The following PSMD1 variants were observed in gnomAD, a reference collection of about 807,000 sequenced individuals.
The protein encoded by PSMD1 is proteasome 26S subunit, non-ATPase 1, also known as 26S proteasome non-ATPase regulatory subunit 1.
Under a neutral mutation model 119.0 loss-of-function variants are expected in PSMD1, and 18 were observed. The observed-to-expected ratio is 0.15, with a 90% CI of 0.10 to 0.22. PSMD1 has a LOEUF of 0.22. Ranked by LOEUF, PSMD1 falls within the 10% of genes least tolerant of loss-of-function variation. The probability of loss-of-function intolerance (pLI) is 1.00; values close to 1 mark genes in which losing one functional copy is unlikely to be tolerated. For missense variants in PSMD1, 702 were observed against 1,158.5 expected, an observed-to-expected ratio of 0.61 and a Z score of 5.72; for synonymous variants, 374 against 396.6, an observed-to-expected ratio of 0.94 and a Z score of 0.68.
At chr2:231,154,519 G>A (rs944172781) in intron 19 of PSMD1, among the ~76,000 whole-genome samples, 4 of 152,200 alleles carry the variant, frequency 2.6e-5, no homozygotes, top group African/African-American at 9.6e-5. Flanking sequence ...CCAAGCCGGA[G>A]TGCAGTGGCG....
At position 231,165,204 on chromosome 2, in the gene PSMD1, C is replaced by G; in HGVS notation, c.2486C>G (p.Ser829Cys). Residue 829 changes from serine (S) to cysteine (C), a missense_variant, in exon 22 of 25, where the codon TCT becomes TGT. This residue lies in a region of PSMD1 where 152 missense variants were observed against 239.3 expected (regional missense o/e 0.64). Coordinates refer to ENST00000308696, the MANE Select transcript of PSMD1 (RefSeq NM_002807.4). ...TTACCCTGCTCATTTCCCCAGGTTT[C>G]TACTGCTGTATTATCTATAACTGCC... ...VPKEKEKEKV[S>C]TAVLSITAKA... The G allele has an allele frequency of 6.2e-7, 1 of 1,602,252 alleles. No individual in the cohort carries two copies. The highest frequency in any genetic ancestry group is 8.5e-7 in the Non-Finnish European group (1 of 1,173,398).
At chr2:231,069,976 A>T in intron 5 of PSMD1, 49 bp from the exon 6 acceptor site, 1 of 1,274,158 alleles carries the variant, frequency 7.8e-7, no homozygotes, top group Non-Finnish European at 1.0e-6. Context: ...AAATAAATAT[A>T]ATGCTGCAAT....
chr2:231,149,227 C>T (rs1283417881), intron 18 of PSMD1, among the ~76,000 whole-genome samples: 2 of 152,150 alleles, frequency 1.3e-5, no homozygotes, highest in Admixed American at 6.5e-5. Context: ...AAACATAAAC[C>T]CAGGAACATG....
At chr2:231,148,819 A>T (rs2125256103) in intron 18 of PSMD1, among the ~76,000 whole-genome samples, 1 of 152,326 alleles carries the variant, frequency 6.6e-6, no homozygotes, top group Middle Eastern at 3.4e-3. Context: ...GATAATTGCC[A>T]ACAAGACAAA....
At position 231,083,592 on chromosome 2, in the gene PSMD1, T is replaced by C. The variant is rs748284215; in HGVS notation, c.1551T>C (p.Gly517=). 6.8e-5 allele frequency: 109 copies of C among 1,613,998 alleles called. No individual in the cohort carries two copies. The highest frequency in any genetic ancestry group is 8.0e-5 in the Non-Finnish European group (94 of 1,180,018). ...GGGAAGCAGCTGGCCTGGCCCTAGG[T>C]TTGGTTATGTTGGGCTCTAAAAATG... ...VTGEAAGLAL[G]LVMLGSKNAQ... The change falls in exon 14 of 25, where the codon GGT becomes GGC. Residue 517 remains glycine (G), a synonymous_variant. Transcript: ENST00000308696.
intron 16 of PSMD1, among the ~76,000 whole-genome samples, chr2:231,117,903 A>G (rs1235125065): frequency 6.6e-6 from 1 of 152,156 alleles, no homozygotes; most frequent in Non-Finnish European, 1.5e-5. Flanking sequence ...GAACAGTTAC[A>G]TGGGGTTATT....
In PSMD1 at chr2:231,056,885, C is replaced by T. The variant is rs1693603397; in HGVS notation, c.-141C>T. 1.7e-6 allele frequency: 2 copies of T among 1,190,828 alleles called. No individual in the cohort carries two copies. The highest frequency in any genetic ancestry group is 1.2e-6 in the Non-Finnish European group (1 of 844,742). 73.8% of individuals were successfully genotyped at this position (1,190,828 alleles called of 1,614,324 possible). A position where few individuals can be genotyped will look rare whatever the true frequency, so the allele number is the denominator to read the frequency against. ...GGGCGGGGTCCTGGCGAGAAGCGAG[C>T]CGGCGGCCTGAGGAGGCGACTGACT... On this transcript the variant is annotated 5_prime_UTR_variant, in exon 1 of 25. Transcript: ENST00000308696.
At chr2:231,134,430 A>T (rs765159972) in intron 16 of PSMD1, among the ~76,000 whole-genome samples, 6 of 152,162 alleles carry the variant, frequency 3.9e-5, no homozygotes, top group Non-Finnish European at 7.4e-5. Context: ...AGTTTTTCCA[A>T]ATGTTTGTTA....
chr2:231,102,494 A>G (rs958166706), intron 16 of PSMD1, among the ~76,000 whole-genome samples: 8 of 152,206 alleles, frequency 5.3e-5, no homozygotes, highest in African/African-American at 1.9e-4. Flanking sequence ...CAATTAACAT[A>G]TAATTTTTAT....
At chr2:231,090,538 G>C (rs1370989354) in intron 16 of PSMD1, among the ~76,000 whole-genome samples, 3 of 152,120 alleles carry the variant, frequency 2.0e-5, no homozygotes, top group African/African-American at 7.2e-5. Flanking sequence ...CATCCTGGGC[G>C]ACAAAGCAAG....
rs370734963 is a variant in PSMD1 at position 231,145,181 on chromosome 2, G to A, written c.1999-1059G>A. On this transcript the variant is annotated intron_variant, in intron 17 of 24. Transcript: ENST00000308696. ...GTGCATCATTTAAGAACAGGGATGCGTTCTGAGAAATGGCAGTTCCGTGAA... is the reference window on the plus strand; with the variant it reads ...GTGCATCATTTAAGAACAGGGATGCATTCTGAGAAATGGCAGTTCCGTGAA... Among the ~76,000 whole-genome samples the A allele has an allele frequency of 1.4e-4, 21 of 152,294 alleles. No individual in the cohort carries two copies. In the East Asian group the frequency reaches 2.9e-3, roughly 21 times the overall value.
intron 16 of PSMD1, among the ~76,000 whole-genome samples, chr2:231,103,462 C>T (rs1012780949): frequency 1.3e-5 from 2 of 152,158 alleles, no homozygotes; most frequent in African/African-American, 2.4e-5. Context: ...CAGTGTTCTT[C>T]GAGGCCTCTT....
At chr2:231,110,669 G>T (rs746109456) in intron 16 of PSMD1, among the ~76,000 whole-genome samples, 7 of 152,134 alleles carry the variant, frequency 4.6e-5, no homozygotes, top group Non-Finnish European at 8.8e-5. Context: ...TTTTCCTCAT[G>T]TACACCACCA....
chr2:231,093,769 TTTTG>T lies in PSMD1; in HGVS notation c.1883+6592_1883+6595del, dbSNP rs1475640927. On this transcript the variant is annotated intron_variant, in intron 16 of 24. Transcript: ENST00000308696. ...CAGGTTCTTACCCATATTCCCCCTT[TTTTG>T]TTTTTTTGAGCATATTTTTAAGAGT... 1.4e-4 allele frequency among the ~76,000 whole-genome samples: 22 copies of T among 152,268 alleles called. No homozygotes were observed. In the East Asian group the frequency reaches 3.5e-3, roughly 24 times the overall value.
At chr2:231,066,352 A>C (rs1378574478) in intron 4 of PSMD1, among the ~76,000 whole-genome samples, 1 of 152,244 alleles carries the variant, frequency 6.6e-6, no homozygotes, top group East Asian at 1.9e-4. Context: ...TAGTTTCATT[A>C]ATGCAAAGAA....
At chr2:231,091,003 G>A (rs975474612) in intron 16 of PSMD1, among the ~76,000 whole-genome samples, 2 of 152,078 alleles carry the variant, frequency 1.3e-5, no homozygotes, top group Non-Finnish European at 2.9e-5. Context: ...TCACTTTTTG[G>A]GTCTGACCTG....
intron 23 of PSMD1, among the ~76,000 whole-genome samples, chr2:231,169,241 A>G (rs996164051): frequency 2.0e-5 from 3 of 152,304 alleles, no homozygotes; most frequent in South Asian, 4.1e-4. Context: ...TAAGCATGAA[A>G]TAGCATAACC....
At chr2:231,130,546 C>T (rs1454163253) in intron 16 of PSMD1, among the ~76,000 whole-genome samples, 1 of 152,202 alleles carries the variant, frequency 6.6e-6, no homozygotes, top group African/African-American at 2.4e-5. Flanking sequence ...TCTCAGCTCA[C>T]TGCAGACTTG....
intron 7 of PSMD1, 130 bp downstream of exon 7, chr2:231,072,545 CTTA>C: frequency 1.3e-6 from 1 of 770,494 alleles, no homozygotes; most frequent in Non-Finnish European, 2.1e-6. Context: ...ATTGTAAAGT[CTTA>C]TTAGGCTGTT....
Sources: allele counts gnomAD v4.1 joint callset (sites outside exome capture counted in the v4.1 genomes callset), GRCh38; gene constraint gnomAD v4.1.1; regional missense constraint gnomAD v4.1.1; transcripts MANE v1.5; gene names NCBI Gene and HGNC (gene_info 2026-07-23, HGNC 2026-07-21).